The following ZSCAN32 variants were observed in gnomAD, a reference collection of about 807,000 sequenced individuals.
The protein encoded by ZSCAN32 is zinc finger and SCAN domain-containing protein 32.
In ZSCAN32, 52 loss-of-function variants were observed where a neutral mutation model predicts 47.4. That is an observed-to-expected ratio of 1.10 (90% CI 0.88 to 1.38). The LOEUF is 1.38. ZSCAN32 is among the 40% of genes most tolerant of loss of function. ZSCAN32 has a pLI of 0.00. For synonymous variants in ZSCAN32, 346 were observed against 305.7 expected, an observed-to-expected ratio of 1.13 and a Z score of -1.38; for missense variants, 959 against 846.0, an observed-to-expected ratio of 1.13 and a Z score of -1.66.
chr16:3,388,766 G>A (rs2032311694), intron 5 of ZSCAN32, among the ~76,000 whole-genome samples: 1 of 152,132 alleles, frequency 6.6e-6, no homozygotes, highest in Admixed American at 6.6e-5. Context: ...TAAAATTACA[G>A]GTACCATTAC....
rs898612892 is a variant in ZSCAN32, at chr16:3,397,485, C to G, written c.73G>C (p.Ala25Pro). 23 of 1,550,638 alleles carry G rather than the reference C, an allele frequency of 1.5e-5. No individual in the cohort carries two copies. Among genetic ancestry groups the G allele is most frequent in the Admixed American group, 2.0e-5 (1 of 51,004 alleles). The change falls in exon 2 of 7, where the codon GCC becomes CCC. Residue 25 changes from alanine to proline, a missense_variant. Transcript: ENST00000396852. ...GAGTCAGGGCTGTTACCCTGGAGGG[C>G]TGATTTCTGGCCCTGTGTGGGATCC... The part of the protein sequence containing the change: ...NKDPTQGQKS[A>P]LQGNSPDSEA...
chr16:3,389,291 G>A lies in ZSCAN32; in HGVS notation c.751+719C>T, dbSNP rs560137026. 8.3e-4 allele frequency among the ~76,000 whole-genome samples: 127 copies of A among 152,254 alleles called. 1 individual carries two copies. Among genetic ancestry groups the A allele is most frequent in the African/African-American group, 2.8e-3 (115 of 41,558 alleles). On this transcript the variant is annotated intron_variant, in intron 5 of 6. Coordinates refer to ENST00000396852, the MANE Select transcript of ZSCAN32 (RefSeq NM_001284527.2). Reference sequence around the variant, plus strand: ...GGAGGGCAACATTGTAGAGTGAGGCGGGGCACTGTCACAGGGCCTGTGTTC... The same window carrying A: ...GGAGGGCAACATTGTAGAGTGAGGCAGGGCACTGTCACAGGGCCTGTGTTC...
chr16:3,394,721 G>A (rs1464868481), intron 2 of ZSCAN32, among the ~76,000 whole-genome samples: 2 of 152,054 alleles, frequency 1.3e-5, no homozygotes, highest in Non-Finnish European at 2.9e-5. Flanking sequence ...CATTCTGCCC[G>A]GCCTCCTCCC....
rs190367841 is a variant in ZSCAN32 at position 3,382,914 on chromosome 16, G to A, written c.2032C>T (p.Arg678Cys). 103 of 1,609,960 alleles carry A rather than the reference G, an allele frequency of 6.4e-5. No individual in the cohort carries two copies. The East Asian group carries it at 1.9e-3, about 29-fold the overall frequency. The change falls in exon 7 of 7, where the codon CGT becomes TGT. Residue 678 changes from arginine to cysteine, a missense_variant. Arg to Cys is a radical substitution (Grantham distance 180, BLOSUM62 -3). Coordinates refer to ENST00000396852, the MANE Select transcript of ZSCAN32 (RefSeq NM_001284527.2). Reference sequence around the variant, plus strand: ...GCTTTCATGTGTACTGTCTGATGACGGGTGAGGGCAGAGTTCTTAGTGAAG... The same window carrying A: ...GCTTTCATGTGTACTGTCTGATGACAGGTGAGGGCAGAGTTCTTAGTGAAG... ...RGFTKNSALT[R>C]HQTVHMKAVL...
At chr16:3,385,888 G>A (rs2150874243) in intron 5 of ZSCAN32, among the ~76,000 whole-genome samples, 1 of 152,276 alleles carries the variant, frequency 6.6e-6, no homozygotes, top group South Asian at 2.1e-4. Context: ...GCATGGGCAA[G>A]GACTTCATGT....
intron 2 of ZSCAN32, 39 bp from the exon 3 acceptor site, chr16:3,393,853 G>T: frequency 6.7e-7 from 1 of 1,490,028 alleles, no homozygotes; most frequent in Non-Finnish European, 9.0e-7. Flanking sequence ...ACAAATTCCT[G>T]CCTAAGCTGG....
chr16:3,388,592 A>G (rs931845329), intron 5 of ZSCAN32, among the ~76,000 whole-genome samples: 2 of 152,182 alleles, frequency 1.3e-5, no homozygotes, highest in African/African-American at 4.8e-5. Context: ...TAGGTCTGAG[A>G]TACTGTAGGC....
Position 3,384,695 on chromosome 16 carries a change from T to A in ZSCAN32, c.998A>T (p.Glu333Val). 1 of 1,614,202 alleles carries A rather than the reference T, an allele frequency of 6.2e-7. No homozygotes were observed. The highest frequency in any genetic ancestry group is 8.5e-7 in the Non-Finnish European group (1 of 1,180,048). Reference sequence around the variant, plus strand: ...GGAGCCTGAAAGAGCATTCATTTCCTCATAAAAGATACAAGGCTCAGGCAC... The same window carrying A: ...GGAGCCTGAAAGAGCATTCATTTCCACATAAAAGATACAAGGCTCAGGCAC... ...GRVPEPCIFY[E>V]EMNALSGSWA... The change falls in exon 6 of 7, where the codon GAG becomes GTG. Residue 333 changes from glutamate (E) to valine (V), a missense_variant. By Grantham distance (121) the Glu-to-Val change is moderately radical. Coordinates refer to ENST00000396852, the MANE Select transcript of ZSCAN32 (RefSeq NM_001284527.2).
intron 1 of ZSCAN32, among the ~76,000 whole-genome samples, chr16:3,400,288 G>C (rs2033768304): frequency 6.6e-6 from 1 of 152,168 alleles, no homozygotes; most frequent in Non-Finnish European, 1.5e-5. Context: ...GAGCGATGAA[G>C]TATCTTGCCT....
chr16:3,397,892 G>T, intron 1 of ZSCAN32, 148 bp from the exon 2 acceptor site: 1 of 200,828 alleles, frequency 5.0e-6, no homozygotes, highest in Admixed American at 5.7e-5. Context: ...GACCATCCTG[G>T]CTAACTGCCT....
chr16:3,388,306 A>G (rs977778597), intron 5 of ZSCAN32, among the ~76,000 whole-genome samples: 3 of 152,178 alleles, frequency 2.0e-5, no homozygotes, highest in South Asian at 2.1e-4. Context: ...TCCTCCATGT[A>G]GGATATGGCT....
At chr16:3,383,805 C>A (rs913204462) in intron 6 of ZSCAN32, 94 bp from the exon 7 acceptor site, 2 of 1,269,924 alleles carry the variant, frequency 1.6e-6, no homozygotes, top group Non-Finnish European at 2.1e-6. Flanking sequence ...GAAGAAATAT[C>A]TAATTGAAAT....
At position 3,400,947 on chromosome 16, in the gene ZSCAN32, G is replaced by A. The variant is rs368255882; in HGVS notation, c.-190C>T. On this transcript the variant is annotated splice_region_variant and 5_prime_UTR_variant, in exon 1 of 7. Transcript: ENST00000396852. Reference sequence around the variant, plus strand: ...CCGCAAGGAAGCGGAGAACTCACCGGACACCAGCACTCGCGACTCCACAAA... The same window carrying A: ...CCGCAAGGAAGCGGAGAACTCACCGAACACCAGCACTCGCGACTCCACAAA... The A allele has an allele frequency of 6.6e-6, 1 of 152,592 alleles. No individual in the cohort carries two copies. The highest frequency in any genetic ancestry group is 1.5e-5 in the Non-Finnish European group (1 of 68,252). The allele number at this position is 152,592 out of a possible 1,614,324, so 9.5% of individuals were successfully genotyped here. A position where few individuals can be genotyped will look rare whatever the true frequency, so the allele number is the denominator to read the frequency against.
chr16:3,390,511 A>G lies in ZSCAN32; in HGVS notation c.539T>C (p.Leu180Pro). Residue 180 changes from leucine (L) to proline (P), a missense_variant, in exon 4 of 7, where the codon CTT becomes CCT. Physicochemically the swap from Leu to Pro is moderately conservative, Grantham distance 98 (BLOSUM62 -3). Coordinates refer to ENST00000396852, the MANE Select transcript of ZSCAN32 (RefSeq NM_001284527.2). Reference sequence around the variant, plus strand: ...CAGGTTCCTGGGAGCCTGAGGAGCAAGCCAGGCTGGGGGAAAAAACAGCCG... The same window carrying G: ...CAGGTTCCTGGGAGCCTGAGGAGCAGGCCAGGCTGGGGGAAAAAACAGCCG... The part of the protein sequence containing the change: ...QRPGEQSEAW[L>P]APQAPRNLPQ... 1 of 1,548,772 alleles carries G rather than the reference A, an allele frequency of 6.5e-7. No homozygotes were observed. The highest frequency in any genetic ancestry group is 8.7e-7 in the Non-Finnish European group (1 of 1,146,888).
At chr16:3,386,164 T>C (rs2031960308) in intron 5 of ZSCAN32, among the ~76,000 whole-genome samples, 1 of 152,174 alleles carries the variant, frequency 6.6e-6, no homozygotes, top group Non-Finnish European at 1.5e-5. Flanking sequence ...AGAAGACATT[T>C]ATGCAGCCAA....
chr16:3,382,707 T>C lies in ZSCAN32; in HGVS notation c.*145A>G, dbSNP rs557348596. On this transcript the variant is annotated 3_prime_UTR_variant, in exon 7 of 7. Coordinates refer to ENST00000396852, the MANE Select transcript of ZSCAN32 (RefSeq NM_001284527.2). ...CCAGGAGAGGTCAGCGTCCTTATGCTGACTCCTGGTCCTAGACATGGGTCT... is the reference window on the plus strand; with the variant it reads ...CCAGGAGAGGTCAGCGTCCTTATGCCGACTCCTGGTCCTAGACATGGGTCT... 527 of 1,343,210 alleles carry C rather than the reference T, an allele frequency of 3.9e-4. 11 individuals carry two copies. The South Asian group carries it at 9.1e-3, about 23-fold the overall frequency. The allele number at this position is 1,343,210 out of a possible 1,614,324, so 83.2% of individuals were successfully genotyped here. A position where few individuals can be genotyped will look rare whatever the true frequency, so the allele number is the denominator to read the frequency against.
Position 3,382,754 on chromosome 16 carries a change from T to C in ZSCAN32, c.*98A>G, listed in dbSNP as rs2031366517. The C allele has an allele frequency of 2.7e-6, 4 of 1,494,214 alleles. No individual in the cohort carries two copies. Among genetic ancestry groups the C allele is most frequent in the Non-Finnish European group, 3.6e-6 (4 of 1,122,020 alleles). 92.6% of individuals were successfully genotyped at this position (1,494,214 alleles called of 1,614,324 possible). On this transcript the variant is annotated 3_prime_UTR_variant, in exon 7 of 7. Coordinates refer to ENST00000396852, the MANE Select transcript of ZSCAN32 (RefSeq NM_001284527.2). The stretch of plus-strand genomic sequence containing the variant: ...GTCTTAAGATCCAGTAGTCAGTAGG[T>C]CTGTTGCAAAGTCAGGGACTGGCTA...
In ZSCAN32 at chr16:3,382,849, C is replaced by A. The variant is rs376655370; in HGVS notation, c.*3G>T. On this transcript the variant is annotated 3_prime_UTR_variant, in exon 7 of 7. Transcript: ENST00000396852. ...AACTTAATCTGACAGTTTACCGACA[C>A]ACTCATAACGCATCTCTTCCTTCCT... 9.7e-6 allele frequency: 15 copies of A among 1,547,280 alleles called. No individual in the cohort carries two copies. Among genetic ancestry groups the A allele is most frequent in the Middle Eastern group, 1.8e-4 (1 of 5,694 alleles).
At chr16:3,398,004 T>C (rs777574160) in intron 1 of ZSCAN32, among the ~76,000 whole-genome samples, 61 of 152,356 alleles carry the variant, frequency 4.0e-4, no homozygotes, top group Non-Finnish European at 7.2e-4. Flanking sequence ...TGGTCATTCC[T>C]GGGTGTGGGC....
Sources: allele counts gnomAD v4.1 joint callset (sites outside exome capture counted in the v4.1 genomes callset), GRCh38; gene constraint gnomAD v4.1.1; transcripts MANE v1.5; gene names NCBI Gene and HGNC (gene_info 2026-07-23, HGNC 2026-07-21).